Variants in ANKRD30A observed in about 807,000 individuals in gnomAD.
The protein encoded by ANKRD30A is ankyrin repeat domain-containing protein 30A.
A neutral mutation model predicts 166.3 loss-of-function variants in ANKRD30A; 170 were observed. That is an observed-to-expected ratio of 1.02 (90% confidence interval 0.90 to 1.16). The LOEUF (loss-of-function observed/expected upper bound fraction) is 1.16, where lower values mean the gene tolerates loss of function less well. Among genes scored for constraint, ANKRD30A ranks in the 50% most tolerant of loss-of-function variants. ANKRD30A has a pLI of 0.00. For missense variants in ANKRD30A, 1,630 were observed against 1,518.0 expected (o/e 1.07, Z -1.23); for synonymous variants, 564 against 508.9 (o/e 1.11, Z -1.46).
intron 19 of ANKRD30A, among the ~76,000 whole-genome samples, chr10:37,167,357 G>C (rs1010413125): frequency 1.1e-4 from 16 of 148,888 alleles, no homozygotes; most frequent in African/African-American, 3.8e-4. Flanking sequence ...AGATATACTT[G>C]AATGTAAGAA....
At chr10:37,257,914 A>G in the ANKRD30A span, among the ~76,000 whole-genome samples, 5 of 152,188 alleles carry the variant, frequency 3.3e-5, no homozygotes, top group African/African-American at 1.2e-4. Flanking sequence ...GAGTTGAACA[A>G]TGAGAACACA....
At chr10:37,264,019 A>G in the ANKRD30A span, among the ~76,000 whole-genome samples, 1 of 152,360 alleles carries the variant, frequency 6.6e-6, no homozygotes, top group East Asian at 1.9e-4. Context: ...AGGAGGAAAA[A>G]TGAACAACTC....
intron 21 of ANKRD30A, among the ~76,000 whole-genome samples, chr10:37,171,266 T>C (rs1588857335): frequency 7.1e-6 from 1 of 141,702 alleles, no homozygotes; most frequent in African/African-American, 2.7e-5. Flanking sequence ...TTAATTAGAC[T>C]GTGTTTCCTA....
At chr10:37,223,087 C>T (rs1376514039) in intron 34 of ANKRD30A, among the ~76,000 whole-genome samples, 2 of 151,222 alleles carry the variant, frequency 1.3e-5, no homozygotes, top group African/African-American at 2.4e-5. Context: ...TTGTTCTAGT[C>T]AATACTCATA....
At chr10:37,215,132 G>A (rs1842537121) in intron 31 of ANKRD30A, among the ~76,000 whole-genome samples, 1 of 151,526 alleles carries the variant, frequency 6.6e-6, no homozygotes, top group Admixed American at 6.6e-5. Flanking sequence ...ATAGAGTTGA[G>A]TTACTTATAA....
the ANKRD30A span, among the ~76,000 whole-genome samples, chr10:37,253,196 C>T: frequency 2.0e-5 from 3 of 152,168 alleles, no homozygotes; most frequent in South Asian, 6.2e-4. Flanking sequence ...ATCATAGCCA[C>T]TCTGACCCTG....
intron 18 of ANKRD30A, among the ~76,000 whole-genome samples, 155 bp from the exon 19 acceptor site, chr10:37,166,450 A>G (rs1839353679): frequency 6.6e-6 from 1 of 151,910 alleles, no homozygotes; most frequent in African/African-American, 2.4e-5. Context: ...TTTCTATCAA[A>G]ATGTGTTTGT....
chr10:37,222,157 A>G (rs760825294), intron 34 of ANKRD30A, among the ~76,000 whole-genome samples: 3 of 151,316 alleles, frequency 2.0e-5, no homozygotes, highest in Non-Finnish European at 4.4e-5. Flanking sequence ...ATCTCTTAAT[A>G]TATTCACAAA....
chr10:37,252,709 C>G, the ANKRD30A span, among the ~76,000 whole-genome samples: 1 of 151,294 alleles, frequency 6.6e-6, no homozygotes, highest in Admixed American at 6.6e-5. Context: ...AACTGTGTGA[C>G]CTTGGACATA....
intron 34 of ANKRD30A, among the ~76,000 whole-genome samples, chr10:37,228,232 A>G (rs983580632): frequency 6.6e-6 from 1 of 152,050 alleles, no homozygotes; most frequent in African/African-American, 2.4e-5. Flanking sequence ...TTGAATTTCA[A>G]AATATCAAAG....
At chr10:37,262,011 T>G in the ANKRD30A span, 1 of 152,874 alleles carries the variant, frequency 6.5e-6, no homozygotes. Flanking sequence ...AAGACCTTCC[T>G]TGTTATCATT....
chr10:37,158,855 G>A (rs969082186), intron 15 of ANKRD30A, among the ~76,000 whole-genome samples: 10 of 152,078 alleles, frequency 6.6e-5, no homozygotes, highest in East Asian at 3.9e-4. Context: ...ATTTCTGTAC[G>A]TGCTTGGTTT....
chr10:37,217,340 ACT>A (rs1842656067), intron 32 of ANKRD30A, among the ~76,000 whole-genome samples: 1 of 150,872 alleles, frequency 6.6e-6, no homozygotes, highest in South Asian at 2.1e-4. Flanking sequence ...TAATCAGTTA[ACT>A]CTAAATAATC....
Position 37,141,701 on chromosome 10 carries a change from G to C in ANKRD30A, c.821-17G>C. ...ATTTAGTAGAAGGAAAATTTAACCA[G>C]ATTGTGTGTTTGGCAGAAGGAACAT... On this transcript the variant is annotated splice_polypyrimidine_tract_variant and intron_variant, in intron 6 of 35. Transcript: ENST00000361713. 1 of 1,610,728 alleles carries C rather than the reference G, an allele frequency of 6.2e-7. No individual in the cohort carries two copies. The highest frequency in any genetic ancestry group is 8.5e-7 in the Non-Finnish European group (1 of 1,179,546).
At chr10:37,231,771 C>T (rs1014993165) in intron 35 of ANKRD30A, 91 bp downstream of exon 35, 2 of 212,932 alleles carry the variant, frequency 9.4e-6, no homozygotes, top group South Asian at 1.8e-4. Context: ...AATTGACTCA[C>T]GTGTGTTAAA....
rs1423203401 is a variant in ANKRD30A at position 37,166,712 on chromosome 10, A to T, written c.2155+17A>T. The T allele has an allele frequency of 6.2e-7, 1 of 1,605,830 alleles. No homozygotes were observed. Among genetic ancestry groups the T allele is most frequent in the Non-Finnish European group, 8.5e-7 (1 of 1,178,374 alleles). On this transcript the variant is annotated intron_variant, in intron 19 of 35. Coordinates refer to ENST00000361713, the MANE Select transcript of ANKRD30A (RefSeq NM_052997.3). ...AATTAGAAGGTAAGAACCGTTTTTT[A>T]TTTAAAAATCATTTGACCAAATATT...
chr10:37,255,377 T>C, the ANKRD30A span, among the ~76,000 whole-genome samples: 1 of 152,146 alleles, frequency 6.6e-6, no homozygotes, highest in East Asian at 1.9e-4. Context: ...AATATATCCA[T>C]GTAACAAAAT....
chr10:37,133,194 A>G (rs993359396), intron 4 of ANKRD30A, among the ~76,000 whole-genome samples: 4 of 151,690 alleles, frequency 2.6e-5, no homozygotes, highest in African/African-American at 9.7e-5. Context: ...TTTATTTTTA[A>G]TTTGTATGGG....
the ANKRD30A span, among the ~76,000 whole-genome samples, chr10:37,241,439 A>T: frequency 6.6e-6 from 1 of 151,914 alleles, no homozygotes; most frequent in Admixed American, 6.6e-5. Context: ...ATGAAAATTT[A>T]TATGGCATTT....
Sources: gnomAD v4.1 joint callset for allele counts (sites outside exome capture counted in the v4.1 genomes callset) on GRCh38, gnomAD v4.1.1 for gene constraint, MANE v1.5 for transcripts, NCBI Gene and HGNC (gene_info 2026-07-23, HGNC 2026-07-21) for gene names.